The following CFAP52 variants were observed in gnomAD, a reference collection of about 807,000 sequenced individuals.
The protein encoded by CFAP52 is cilia- and flagella-associated protein 52.
Under a neutral mutation model 70.5 loss-of-function variants are expected in CFAP52, and 57 were observed. That is an observed-to-expected ratio of 0.81 (90% CI 0.65 to 1.01). CFAP52 has a LOEUF of 1.01. Among genes scored for constraint, CFAP52 ranks in the 50% least tolerant of loss-of-function variants. The pLI is 0.00. For synonymous variants in CFAP52, 267 were observed against 292.5 expected, an observed-to-expected ratio of 0.91 and a Z score of 0.89; for missense variants, 785 against 788.5, an observed-to-expected ratio of 1.00 and a Z score of 0.05.
At chr17:9,612,192 C>T (rs1909738770) in intron 7 of CFAP52, 117 bp from the exon 8 acceptor site, 1 of 1,324,604 alleles carries the variant, frequency 7.5e-7, no homozygotes. Context: ...TGTGTCACTT[C>T]TGTGAGGGCG....
chr17:9,615,286 G>A (rs1909860686), intron 8 of CFAP52, among the ~76,000 whole-genome samples: 1 of 152,158 alleles, frequency 6.6e-6, no homozygotes. Context: ...TTAGGTTGGT[G>A]CAAAAATAAT....
At chr17:9,597,015 G>A (rs965056922) in intron 4 of CFAP52, among the ~76,000 whole-genome samples, 9 of 152,048 alleles carry the variant, frequency 5.9e-5, no homozygotes, top group Non-Finnish European at 1.0e-4. Context: ...ACTGCGCCTG[G>A]CCCTCCTCCT....
chr17:9,600,345 G>A (rs1021494544), intron 6 of CFAP52, among the ~76,000 whole-genome samples, 162 bp downstream of exon 6: 15 of 151,910 alleles, frequency 9.9e-5, no homozygotes, highest in African/African-American at 9.7e-5. Context: ...AGGTTCAAGC[G>A]ATTGTCCCAC....
Position 9,622,519 on chromosome 17 carries a change from T to A in CFAP52, c.1026-6153T>A, listed in dbSNP as rs553102809. 5.3e-5 allele frequency among the ~76,000 whole-genome samples: 8 copies of A among 151,400 alleles called. No homozygotes were observed. In the East Asian group the frequency reaches 1.6e-3, roughly 29 times the overall value. On this transcript the variant is annotated intron_variant, in intron 8 of 13. Coordinates refer to ENST00000352665, the MANE Select transcript of CFAP52 (RefSeq NM_145054.5). ...TCACACCAGTGCATGCCAGCCTGGG[T>A]GACAGAGTAAGACCCTGTTTCTATT...
At chr17:9,613,814 C>T (rs538236192) in intron 8 of CFAP52, among the ~76,000 whole-genome samples, 15 of 151,890 alleles carry the variant, frequency 9.9e-5, no homozygotes, top group East Asian at 9.8e-4. Flanking sequence ...CCACTGCACC[C>T]GGCCTCAGAC....
intron 12 of CFAP52, among the ~76,000 whole-genome samples, chr17:9,641,307 C>T (rs960395986): frequency 6.6e-6 from 1 of 152,148 alleles, no homozygotes; most frequent in Non-Finnish European, 1.5e-5. Flanking sequence ...GGTGCCTGTA[C>T]AGCCCAGTCT....
At chr17:9,628,936 C>A in intron 9 of CFAP52, 116 bp downstream of exon 9, 1 of 1,444,276 alleles carries the variant, frequency 6.9e-7, no homozygotes, top group East Asian at 2.3e-5. Context: ...TCCCACTGTC[C>A]ACCCCCTTCT....
intron 8 of CFAP52, among the ~76,000 whole-genome samples, chr17:9,627,521 T>A (rs1910284394): frequency 6.6e-6 from 1 of 152,020 alleles, no homozygotes; most frequent in South Asian, 2.1e-4. Flanking sequence ...AATAAATAAA[T>A]GAATAAATAA....
chr17:9,636,192 AAAGAAAGAAAG>A (rs1242818484), intron 11 of CFAP52, among the ~76,000 whole-genome samples: 9 of 110,194 alleles, frequency 8.2e-5, no homozygotes, highest in East Asian at 3.1e-4. Flanking sequence ...AGAAAGAAAG[AAAGAAAGAAAG>A]AAAGAAAGAA....
intron 6 of CFAP52, among the ~76,000 whole-genome samples, chr17:9,604,750 A>AAAATAAATAAAT (rs58770209): frequency 1.3e-4 from 18 of 135,058 alleles, no homozygotes; most frequent in East Asian, 1.1e-3. Flanking sequence ...ACTCTGTCTC[A>AAAATAAATAAAT]AAATAAATAA....
intron 8 of CFAP52, among the ~76,000 whole-genome samples, chr17:9,625,690 C>G (rs944305313): frequency 7.9e-5 from 12 of 152,190 alleles, no homozygotes; most frequent in Admixed American, 7.9e-4. Context: ...ATTCTCAACC[C>G]TTTCCAGTTG....
At chr17:9,639,912 G>T (rs1051459636) in intron 12 of CFAP52, among the ~76,000 whole-genome samples, 2 of 152,180 alleles carry the variant, frequency 1.3e-5, no homozygotes, top group Admixed American at 6.5e-5. Context: ...GGCTGGGAAG[G>T]CAGGCAGTCA....
chr17:9,642,333 A>C (rs1302660475), intron 13 of CFAP52, among the ~76,000 whole-genome samples: 1 of 152,212 alleles, frequency 6.6e-6, no homozygotes, highest in Non-Finnish European at 1.5e-5. Context: ...GATATTAACA[A>C]ATAAATGCGG....
rs1331164184 is a variant in CFAP52, at chr17:9,576,726, G to A, written c.31G>A (p.Val11Met). 1.2e-6 allele frequency: 2 copies of A among 1,612,662 alleles called. No individual in the cohort carries two copies. The highest frequency in any genetic ancestry group is 2.2e-5 in the East Asian group (1 of 44,700). The change falls in exon 1 of 14, where the codon GTG (valine) becomes ATG (methionine). Residue 11 changes from valine to methionine, a missense_variant. Physicochemically the swap from Val to Met is conservative, Grantham distance 21 (BLOSUM62 1). Coordinates refer to ENST00000352665, the MANE Select transcript of CFAP52 (RefSeq NM_145054.5). ...TAACAAAATTTCGCCGGAGGCCCAA[G>A]TGGCGGAGCTGGAACTTGACGCCGT... MDNKISPEAQVAELELDAVIG... is the reference protein window; with the variant it reads MDNKISPEAQMAELELDAVIG...
intron 4 of CFAP52, among the ~76,000 whole-genome samples, chr17:9,596,352 C>T (rs533433200): frequency 7.2e-5 from 11 of 151,908 alleles, no homozygotes; most frequent in African/African-American, 1.7e-4. Context: ...CCACCTGCCT[C>T]GGCCTCCCAA....
intron 4 of CFAP52, among the ~76,000 whole-genome samples, chr17:9,596,065 A>G (rs62064123): frequency 0.34 from 16,200 of 47,538 alleles, 1,302 homozygotes; most frequent in Non-Finnish European, 0.4. Context: ...GTGTGTATAT[A>G]TATATATATA....
chr17:9,588,062 T>A (rs1018682144), intron 3 of CFAP52, among the ~76,000 whole-genome samples: 1 of 152,168 alleles, frequency 6.6e-6, no homozygotes, highest in Non-Finnish European at 1.5e-5. Flanking sequence ...TGAACACAAG[T>A]GGCCAGAGTG....
chr17:9,581,296 C>T (rs893179568), intron 1 of CFAP52, among the ~76,000 whole-genome samples: 7 of 152,070 alleles, frequency 4.6e-5, no homozygotes, highest in Admixed American at 1.3e-4. Flanking sequence ...GAATTGTTCA[C>T]GTTAAAACAG....
rs967156379 is a variant in CFAP52, at chr17:9,604,306, A to G, written c.754-3813A>G. Among the ~76,000 whole-genome samples, 6 of 152,352 alleles carry G rather than the reference A, an allele frequency of 3.9e-5. No individual in the cohort carries two copies. In the South Asian group the frequency reaches 8.3e-4, roughly 21 times the overall value. On this transcript the variant is annotated intron_variant, in intron 6 of 13. Transcript: ENST00000352665. The stretch of plus-strand genomic sequence containing the variant: ...TCCTTAAAATCAAAAATTCTGCTCC[A>G]TGAAAGACACTGTCAAGAGAATGAA...
Sources: allele counts gnomAD v4.1 joint callset (sites outside exome capture counted in the v4.1 genomes callset), GRCh38; gene constraint gnomAD v4.1.1; transcripts MANE v1.5; gene names NCBI Gene and HGNC (gene_info 2026-07-23, HGNC 2026-07-21).